Variants in ESRRB observed in about 807,000 individuals in gnomAD.
ESRRB encodes the protein estrogen related receptor beta, also known as steroid hormone receptor ERR2.
In ESRRB, 16 loss-of-function variants were observed where a neutral mutation model predicts 46.0. The observed-to-expected ratio is 0.35, with a 90% confidence interval of 0.24 to 0.53. The LOEUF (loss-of-function observed/expected upper bound fraction) is 0.53, where lower values mean the gene tolerates loss of function less well. Among genes scored for constraint, ESRRB ranks in the 20% least tolerant of loss-of-function variants. ESRRB has a pLI of 0.93. For missense variants in ESRRB, 488 were observed against 607.4 expected, an observed-to-expected ratio of 0.80 and a Z score of 2.07; for synonymous variants, 246 against 259.6, an observed-to-expected ratio of 0.95 and a Z score of 0.50.
chr14:76,333,020 TTA>T (rs1884058426), intron 1 of ESRRB, among the ~76,000 whole-genome samples: 1 of 14,816 alleles, frequency 6.7e-5, no homozygotes. Flanking sequence ...TATTTATATA[TTA>T]TATATTATAT....
At chr14:76,337,610 A>G (rs1381398978) in intron 1 of ESRRB, among the ~76,000 whole-genome samples, 2 of 152,200 alleles carry the variant, frequency 1.3e-5, no homozygotes, top group African/African-American at 4.8e-5. Flanking sequence ...AAGCTTCATC[A>G]GCAAGCTTTC....
chr14:76,426,866 A>G (rs1887224070), intron 1 of ESRRB, among the ~76,000 whole-genome samples: 1 of 152,214 alleles, frequency 6.6e-6, no homozygotes, highest in South Asian at 2.1e-4. Context: ...CCATGTCGCT[A>G]CAAAAAAACA....
intron 1 of ESRRB, among the ~76,000 whole-genome samples, chr14:76,431,277 G>C (rs1405576584): frequency 3.3e-5 from 5 of 152,158 alleles, no homozygotes; most frequent in African/African-American, 1.2e-4. Context: ...CTGGATGACA[G>C]AACAAGACTC....
At chr14:76,327,703 T>C (rs1366054191) in intron 1 of ESRRB, among the ~76,000 whole-genome samples, 3 of 152,044 alleles carry the variant, frequency 2.0e-5, no homozygotes, top group African/African-American at 7.3e-5. Context: ...CTGTGCTTTT[T>C]GTTGTTGTTG....
intron 1 of ESRRB, among the ~76,000 whole-genome samples, chr14:76,382,333 G>C (rs59437468): frequency 0.04 from 6,059 of 152,314 alleles, 175 homozygotes; most frequent in East Asian, 0.13. Flanking sequence ...GTTCGTCCAT[G>C]GTGCAAAGGG....
At chr14:76,378,749 G>A (rs1228938472) in intron 1 of ESRRB, among the ~76,000 whole-genome samples, 1 of 152,202 alleles carries the variant, frequency 6.6e-6, no homozygotes, top group African/African-American at 2.4e-5. Context: ...TCTGGGGCTG[G>A]TGTCTGGGGA....
chr14:76,378,191 A>T (rs1021352738), intron 1 of ESRRB, among the ~76,000 whole-genome samples: 36 of 152,320 alleles, frequency 2.4e-4, no homozygotes, highest in African/African-American at 8.2e-4. Flanking sequence ...CGAAATACTT[A>T]TGTATTTGTC....
chr14:76,404,850 T>C (rs2139847421), intron 1 of ESRRB, among the ~76,000 whole-genome samples: 1 of 152,324 alleles, frequency 6.6e-6, no homozygotes, highest in East Asian at 1.9e-4. Context: ...TTGTGGGCAG[T>C]AAACTATCTC....
intron 3 of ESRRB, among the ~76,000 whole-genome samples, chr14:76,471,104 A>G (rs1177608843): frequency 1.3e-5 from 2 of 152,136 alleles, no homozygotes; most frequent in African/African-American, 4.8e-5. Context: ...AGTCTTTCCC[A>G]TCTCAGGAAT....
At chr14:76,428,444 T>C (rs1887294008) in intron 1 of ESRRB, among the ~76,000 whole-genome samples, 1 of 152,126 alleles carries the variant, frequency 6.6e-6, no homozygotes, top group South Asian at 2.1e-4. Flanking sequence ...GGGGGCATAT[T>C]CTGAATTTTC....
intron 2 of ESRRB, among the ~76,000 whole-genome samples, chr14:76,453,110 G>A (rs1888461337): frequency 6.6e-6 from 1 of 152,214 alleles, no homozygotes; most frequent in African/African-American, 2.4e-5. Flanking sequence ...TTTCAGGTGA[G>A]CTTCATTCAA....
At chr14:76,367,542 G>A (rs1884537146), upstream of ESRRB, among the ~76,000 whole-genome samples, 1 of 140,416 alleles carries the variant, frequency 7.1e-6, no homozygotes, top group African/African-American at 2.5e-5. Context: ...GGGTGACAGG[G>A]GGCGATCCTG....
intron 1 of ESRRB, among the ~76,000 whole-genome samples, chr14:76,314,843 G>A (rs551022057): frequency 1.3e-5 from 2 of 152,098 alleles, no homozygotes; most frequent in South Asian, 2.1e-4. Flanking sequence ...TATGGCTGCC[G>A]AAACAGGCCC....
intron 1 of ESRRB, among the ~76,000 whole-genome samples, chr14:76,407,042 C>T (rs1000664350): frequency 2.0e-5 from 3 of 152,322 alleles, no homozygotes; most frequent in Admixed American, 2.0e-4. Context: ...TCTTGGCCCT[C>T]CCTGCCTCCA....
At position 76,376,567 on chromosome 14, in the gene ESRRB, G is replaced by GA; in HGVS notation, c.50+116_50+117insA. 1 of 668,880 alleles carries GA rather than the reference G, an allele frequency of 1.5e-6. No homozygotes were observed. Among genetic ancestry groups the GA allele is most frequent in the East Asian group, 3.4e-5 (1 of 29,222 alleles). The allele number at this position is 668,880 out of a possible 1,614,324, so 41.4% of individuals were successfully genotyped here. A position where few individuals can be genotyped will look rare whatever the true frequency, so the allele number is the denominator to read the frequency against. On this transcript the variant is annotated intron_variant, in intron 1 of 6. Coordinates refer to ENST00000644823, the MANE Select transcript of ESRRB (RefSeq NM_001379180.1). The surrounding 1 kb of genome is among the most constrained non-coding windows in gnomAD (Gnocchi z 4.1). ...TGTAAAAGTGGAAGGGACTTCGGGG[G>GA]GGCACTTGGGGGACGAAGGAGGGGA...
chr14:76,486,638 T>C (rs1890032974), intron 5 of ESRRB, among the ~76,000 whole-genome samples: 1 of 152,052 alleles, frequency 6.6e-6, no homozygotes, highest in African/African-American at 2.4e-5. Context: ...GGGGAGAGCC[T>C]GAATGTTATT....
chr14:76,349,504 A>G (rs2139759502), intron 1 of ESRRB, among the ~76,000 whole-genome samples: 1 of 152,306 alleles, frequency 6.6e-6, no homozygotes, highest in East Asian at 1.9e-4. Context: ...CTCCTGCGAG[A>G]TGCTCAAGAT....
intron 1 of ESRRB, among the ~76,000 whole-genome samples, chr14:76,332,931 T>TTA (rs1884054944): frequency 4.0e-5 from 2 of 50,472 alleles, no homozygotes; most frequent in Non-Finnish European, 6.5e-5. Flanking sequence ...TATTTATATA[T>TTA]TATATACTTA....
At chr14:76,394,363 C>G (rs1169348845) in intron 1 of ESRRB, among the ~76,000 whole-genome samples, 1 of 152,214 alleles carries the variant, frequency 6.6e-6, no homozygotes, top group Non-Finnish European at 1.5e-5. Context: ...TCTGACTGCC[C>G]ACTATGAGCC....
Sources: allele counts gnomAD v4.1 joint callset (sites outside exome capture counted in the v4.1 genomes callset), GRCh38; gene constraint gnomAD v4.1.1; non-coding constraint Gnocchi (gnomAD v3.1); transcripts MANE v1.5; gene names NCBI Gene and HGNC (gene_info 2026-07-23, HGNC 2026-07-21).